Variants in SPATA13 observed in about 807,000 individuals in gnomAD.
The protein encoded by SPATA13 is spermatogenesis associated 13.
Under a neutral mutation model 104.0 loss-of-function variants are expected in SPATA13, and 50 were observed. The observed-to-expected ratio is 0.48, with a 90% confidence interval of 0.38 to 0.61. SPATA13 has a LOEUF of 0.61. Among genes scored for constraint, SPATA13 ranks in the 20% least tolerant of loss-of-function variants. The pLI is 0.00. For synonymous variants in SPATA13, 606 were observed against 667.5 expected (o/e 0.91, Z 1.42); for missense variants, 1,524 against 1,690.6 (o/e 0.90, Z 1.73).
At chr13:24,012,662 C>A (rs1383924164) in intron 2 of SPATA13, among the ~76,000 whole-genome samples, 3 of 152,256 alleles carry the variant, frequency 2.0e-5, no homozygotes, top group Non-Finnish European at 4.4e-5. Flanking sequence ...CCGCAGCCAA[C>A]CCCCAAGTGT....
At chr13:24,010,117 T>G (rs374859607) in intron 2 of SPATA13, among the ~76,000 whole-genome samples, 3 of 152,320 alleles carry the variant, frequency 2.0e-5, no homozygotes, top group African/African-American at 4.8e-5. Flanking sequence ...GGAGGGGGCT[T>G]CCAGGTCATA....
At position 24,222,921 on chromosome 13, in the gene SPATA13, C is replaced by G. The variant is rs1260924890; in HGVS notation, c.-9C>G. 2 of 1,550,802 alleles carry G rather than the reference C, an allele frequency of 1.3e-6. No homozygotes were observed. Among genetic ancestry groups the G allele is most frequent in the Admixed American group, 3.9e-5 (2 of 50,986 alleles). On this transcript the variant is annotated 5_prime_UTR_variant, in exon 2 of 13. Transcript: ENST00000382108. ...GCTGCGGTCTGCGGACTCGGCAGTGCCCGTGGCCATGACCCAGGCTGCCGT... is the reference window on the plus strand; with the variant it reads ...GCTGCGGTCTGCGGACTCGGCAGTGGCCGTGGCCATGACCCAGGCTGCCGT...
chr13:23,986,325 G>T (rs796237733), intron 2 of SPATA13, among the ~76,000 whole-genome samples: 2 of 152,322 alleles, frequency 1.3e-5, no homozygotes, highest in African/African-American at 4.8e-5. Flanking sequence ...ACAAGACAGA[G>T]ATCAGAATGG....
At chr13:23,980,284 C>T (rs954674442) in intron 1 of SPATA13, among the ~76,000 whole-genome samples, 2 of 152,208 alleles carry the variant, frequency 1.3e-5, no homozygotes, top group Non-Finnish European at 2.9e-5. Context: ...GCCAGCCTGG[C>T]GGTCGCGTTG....
At chr13:24,250,836 C>A (rs1231188688) in intron 3 of SPATA13, among the ~76,000 whole-genome samples, 1 of 152,186 alleles carries the variant, frequency 6.6e-6, no homozygotes, top group South Asian at 2.1e-4. Context: ...CAAATTGTCA[C>A]GCATTTTAAC....
In SPATA13 at chr13:24,161,744, A is replaced by C. The variant is rs1234535538; in HGVS notation, c.-112+812A>C. 6.6e-6 allele frequency among the ~76,000 whole-genome samples: 1 copy of C among 152,230 alleles called. No homozygotes were observed. Among genetic ancestry groups the C allele is most frequent in the African/African-American group, 2.4e-5 (1 of 41,466 alleles). On this transcript the variant is annotated intron_variant, in intron 1 of 12. Coordinates refer to ENST00000382108, the MANE Select transcript of SPATA13 (RefSeq NM_001166271.3). The surrounding 1 kb of genome is among the most constrained non-coding windows in gnomAD (Gnocchi z 4.5). Reference sequence around the variant, plus strand: ...AAACCCTGTGGGTCATTTGCTTCCCAGCATTGCATAGGGATGTGGATAAAT... The same window carrying C: ...AAACCCTGTGGGTCATTTGCTTCCCCGCATTGCATAGGGATGTGGATAAAT...
intron 1 of SPATA13, among the ~76,000 whole-genome samples, chr13:24,166,449 C>T (rs78741320): frequency 0.015 from 2,220 of 152,210 alleles, 26 homozygotes; most frequent in South Asian, 0.048. Context: ...AACCTTCTAG[C>T]CCTGGGGGAC....
At position 24,223,946 on chromosome 13, in the gene SPATA13, T is replaced by A; in HGVS notation, c.1017T>A (p.Ser339Arg). Reference sequence around the variant, plus strand: ...CCTGGAGGAGGGAGAGTCCTAGGAGTGGGGCCCCATCCCCTGGAGAGGCCA... The same window carrying A: ...CCTGGAGGAGGGAGAGTCCTAGGAGAGGGGCCCCATCCCCTGGAGAGGCCA... ...EAAWRRESPR[S>R]GAPSPGEASL... The change falls in exon 2 of 13, where the codon AGT becomes AGA. Residue 339 changes from serine to arginine, a missense_variant. Around this residue, in one of 2 missense-constraint regions of SPATA13, gnomAD observed 1,089 missense variants for 1,135.9 expected, o/e 0.96. Transcript: ENST00000382108. 3 of 1,550,112 alleles carry A rather than the reference T, an allele frequency of 1.9e-6. No homozygotes were observed. Among genetic ancestry groups the A allele is most frequent in the Non-Finnish European group, 2.6e-6 (3 of 1,146,162 alleles).
chr13:24,070,048 G>A (rs571734501), intron 3 of SPATA13, among the ~76,000 whole-genome samples: 1 of 152,322 alleles, frequency 6.6e-6, no homozygotes, highest in East Asian at 1.9e-4. Flanking sequence ...ATGGACATTT[G>A]AGGAACATCT....
At chr13:24,154,405 T>C (rs931799296) in intron 3 of SPATA13, among the ~76,000 whole-genome samples, 2 of 152,160 alleles carry the variant, frequency 1.3e-5, no homozygotes, top group Non-Finnish European at 2.9e-5. Context: ...GACATACTGT[T>C]AAGGAAGTCA....
intron 2 of SPATA13, among the ~76,000 whole-genome samples, chr13:24,249,032 G>A (rs182911036): frequency 9.7e-4 from 148 of 152,216 alleles, no homozygotes; most frequent in Admixed American, 1.6e-3. Context: ...ACCGCGCCCC[G>A]CTAATTTTTA....
intron 2 of SPATA13, among the ~76,000 whole-genome samples, chr13:24,238,718 GTA>G (rs1872692534): frequency 6.6e-6 from 1 of 152,128 alleles, no homozygotes; most frequent in Non-Finnish European, 1.5e-5. Flanking sequence ...ACTCCTTAAT[GTA>G]TATGTTTTTC....
chr13:24,061,409 A>G (rs1392257797), intron 3 of SPATA13, among the ~76,000 whole-genome samples: 2 of 152,208 alleles, frequency 1.3e-5, no homozygotes, highest in African/African-American at 2.4e-5. Flanking sequence ...ATAAAGCCAC[A>G]TGCATACGAA....
intron 3 of SPATA13, among the ~76,000 whole-genome samples, chr13:24,131,782 G>A (rs1220718727): frequency 6.6e-6 from 1 of 152,180 alleles, no homozygotes; most frequent in Non-Finnish European, 1.5e-5. Context: ...TAACACTTTT[G>A]GGGTGGCAAC....
At chr13:23,982,101 C>T (rs1056358173) in intron 1 of SPATA13, among the ~76,000 whole-genome samples, 3 of 152,090 alleles carry the variant, frequency 2.0e-5, no homozygotes, top group Non-Finnish European at 4.4e-5. Context: ...TAATAAATCG[C>T]TATAGCATTA....
At chr13:24,123,692 T>C in intron 3 of SPATA13, 1 of 1,579,248 alleles carries the variant, frequency 6.3e-7, no homozygotes. Context: ...AAGGGTCTTC[T>C]TGCCAAAGTT....
intron 3 of SPATA13, among the ~76,000 whole-genome samples, chr13:24,116,801 A>G (rs1880861065): frequency 6.9e-6 from 1 of 145,064 alleles, no homozygotes; most frequent in African/African-American, 2.5e-5. Context: ...ATGTTTGGAG[A>G]AAGGGCCTTT....
chr13:24,275,966 C>G (rs56959847), intron 4 of SPATA13, among the ~76,000 whole-genome samples: 1 of 152,054 alleles, frequency 6.6e-6, no homozygotes, highest in East Asian at 1.9e-4. Context: ...TTTTTCCACA[C>G]CAATTTTTTC....
At chr13:24,118,245 C>A (rs923021072) in intron 3 of SPATA13, among the ~76,000 whole-genome samples, 1 of 152,094 alleles carries the variant, frequency 6.6e-6, no homozygotes, top group African/African-American at 2.4e-5. Flanking sequence ...GCACTCACTC[C>A]CCATCATGGT....
Sources: gnomAD v4.1 joint callset for allele counts (sites outside exome capture counted in the v4.1 genomes callset) on GRCh38, gnomAD v4.1.1 for gene constraint, gnomAD v4.1.1 regional missense constraint, Gnocchi (gnomAD v3.1) non-coding constraint, MANE v1.5 for transcripts, NCBI Gene and HGNC (gene_info 2026-07-23, HGNC 2026-07-21) for gene names.